MDGA2: variants seen among roughly 807,000 people sequenced by gnomAD.
MDGA2 encodes the protein MAM domain containing glycosylphosphatidylinositol anchor 2.
MDGA2 carries 40 observed loss-of-function variants against 117.8 expected under a neutral mutation model. That is an observed-to-expected ratio of 0.34 (90% confidence interval 0.26 to 0.44). MDGA2 has a LOEUF of 0.44. Ranked by LOEUF, MDGA2 falls within the 20% of genes least tolerant of loss-of-function variation. The probability of loss-of-function intolerance (pLI) is 1.00; values close to 1 mark genes in which losing one functional copy is unlikely to be tolerated. For synonymous variants in MDGA2, 452 were observed against 439.0 expected (o/e 1.03, Z -0.37); for missense variants, 1,123 against 1,250.6 (o/e 0.90, Z 1.54).
At chr14:47,080,730 T>C (rs1475706682) in intron 6 of MDGA2, among the ~76,000 whole-genome samples, 1 of 152,160 alleles carries the variant, frequency 6.6e-6, no homozygotes, top group East Asian at 1.9e-4. Context: ...GCCTTTTCCA[T>C]TGTGTTTCAT....
intron 8 of MDGA2, among the ~76,000 whole-genome samples, chr14:47,026,825 A>C (rs1202015833): frequency 6.6e-6 from 1 of 152,082 alleles, no homozygotes; most frequent in Admixed American, 6.6e-5. Flanking sequence ...TAAAGCAAAA[A>C]AGGGAGGAAA....
At chr14:47,334,740 T>C (rs145720700) in intron 1 of MDGA2, among the ~76,000 whole-genome samples, 1 of 152,072 alleles carries the variant, frequency 6.6e-6, no homozygotes, top group East Asian at 1.9e-4. Flanking sequence ...ATTGTAAAGA[T>C]GCAGGCTGTG....
chr14:47,646,582 T>C (rs939260598), intron 1 of MDGA2, among the ~76,000 whole-genome samples: 13 of 152,310 alleles, frequency 8.5e-5, no homozygotes, highest in African/African-American at 2.9e-4. Context: ...GGTATAATAA[T>C]CAGTGAAGTG....
chr14:47,320,809 G>A (rs73251831), intron 1 of MDGA2, among the ~76,000 whole-genome samples: 6,167 of 152,166 alleles, frequency 0.041, 170 homozygotes, highest in African/African-American at 0.076. Context: ...TTTTCCTGGA[G>A]GGGAAGAGCC....
chr14:47,447,355 G>A (rs1594861214), intron 1 of MDGA2, among the ~76,000 whole-genome samples: 1 of 152,120 alleles, frequency 6.6e-6, no homozygotes, highest in Non-Finnish European at 1.5e-5. Flanking sequence ...TCCATTTAGG[G>A]AGTTAGTGCA....
chr14:47,165,647 T>C (rs1883839300), intron 3 of MDGA2, among the ~76,000 whole-genome samples: 1 of 152,230 alleles, frequency 6.6e-6, no homozygotes, highest in Admixed American at 6.5e-5. Flanking sequence ...TCTGAGCTGC[T>C]TATATAAATC....
chr14:47,641,877 G>C (rs371386262), intron 1 of MDGA2, among the ~76,000 whole-genome samples: 1 of 152,092 alleles, frequency 6.6e-6, no homozygotes, highest in Non-Finnish European at 1.5e-5. Context: ...CATTTGATAG[G>C]GAAGAGATGC....
intron 8 of MDGA2, among the ~76,000 whole-genome samples, chr14:47,001,176 T>TAGGAATACAAAATATA (rs992145040): frequency 1.3e-5 from 2 of 151,918 alleles, no homozygotes; most frequent in African/African-American, 4.8e-5. Context: ...GCAGCCAGGT[T>TAGGAATACAAAATATA]AGGAATACAA....
At chr14:47,080,020 C>T (rs533279116) in intron 6 of MDGA2, among the ~76,000 whole-genome samples, 11 of 152,206 alleles carry the variant, frequency 7.2e-5, no homozygotes, top group Middle Eastern at 3.4e-3. Context: ...CGTGAGCCAC[C>T]GTGCCCGGCC....
At chr14:47,404,575 A>G (rs1347912692) in intron 1 of MDGA2, among the ~76,000 whole-genome samples, 1 of 151,892 alleles carries the variant, frequency 6.6e-6, no homozygotes, top group Non-Finnish European at 1.5e-5. Context: ...GCTCATGGGA[A>G]CCTCAAACTC....
intron 8 of MDGA2, among the ~76,000 whole-genome samples, chr14:46,971,077 G>C (rs533905191): frequency 1.3e-5 from 2 of 152,110 alleles, no homozygotes; most frequent in South Asian, 4.1e-4. Flanking sequence ...AGATACTGGT[G>C]AGGATGCAGA....
At chr14:47,314,092 C>T (rs1454704560) in intron 1 of MDGA2, among the ~76,000 whole-genome samples, 1 of 152,126 alleles carries the variant, frequency 6.6e-6, no homozygotes, top group Non-Finnish European at 1.5e-5. Context: ...TGAGTAAGCA[C>T]TGTGGTTTTT....
At chr14:47,338,875 C>T (rs536889666) in intron 1 of MDGA2, among the ~76,000 whole-genome samples, 15 of 152,214 alleles carry the variant, frequency 9.9e-5, no homozygotes, top group African/African-American at 3.6e-4. Context: ...TGTTAAGCAA[C>T]ATTAAGGATA....
intron 1 of MDGA2, among the ~76,000 whole-genome samples, chr14:47,673,636 G>A (rs1232210272): frequency 4.7e-4 from 16 of 34,314 alleles, no homozygotes; most frequent in African/African-American, 1.4e-3. Flanking sequence ...ACCTGGATGT[G>A]TGTGTGTGTG....
chr14:47,579,041 T>C (rs1322907181), intron 1 of MDGA2, among the ~76,000 whole-genome samples: 1 of 152,100 alleles, frequency 6.6e-6, no homozygotes, highest in East Asian at 1.9e-4. Context: ...AATACAAATA[T>C]CTTAAATATA....
rs1885741529 is a variant in MDGA2, at chr14:47,207,802, C to T, written c.595+10219G>A. 2.0e-5 allele frequency among the ~76,000 whole-genome samples: 3 copies of T among 152,000 alleles called. No homozygotes were observed. The South Asian group carries it at 6.2e-4, about 32-fold the overall frequency. On this transcript the variant is annotated intron_variant, in intron 3 of 16. Coordinates refer to ENST00000399232, the MANE Select transcript of MDGA2 (RefSeq NM_001113498.3). ...AAACTCAAGAGATCATGAATAAAAA[C>T]ACTGCAGTGCCCTCTAGCAGGGTGC...
intron 3 of MDGA2, among the ~76,000 whole-genome samples, chr14:47,156,342 C>G (rs1883388939): frequency 6.6e-6 from 1 of 152,150 alleles, no homozygotes; most frequent in South Asian, 2.1e-4. Flanking sequence ...GCTTTCTTAA[C>G]CTCAAAAACT....
At chr14:47,453,710 A>G (rs917272242) in intron 1 of MDGA2, among the ~76,000 whole-genome samples, 1 of 152,240 alleles carries the variant, frequency 6.6e-6, no homozygotes, top group Non-Finnish European at 1.5e-5. Flanking sequence ...TAAATTTCAG[A>G]GCAGTCATTC....
chr14:47,252,396 C>A (rs750592287), intron 2 of MDGA2, among the ~76,000 whole-genome samples: 1 of 152,082 alleles, frequency 6.6e-6, no homozygotes, highest in Non-Finnish European at 1.5e-5. Context: ...AATACACACA[C>A]AAGTCCCTTC....
Sources: allele counts gnomAD v4.1 joint callset (sites outside exome capture counted in the v4.1 genomes callset), GRCh38; gene constraint gnomAD v4.1.1; transcripts MANE v1.5; gene names NCBI Gene and HGNC (gene_info 2026-07-23, HGNC 2026-07-21).